The following ZNF469 variants were observed in gnomAD, a reference collection of about 807,000 sequenced individuals.
ZNF469 encodes zinc finger protein 469.
A neutral mutation model predicts 1.0 loss-of-function variants in ZNF469; 1 was observed. That is an observed-to-expected ratio of 1.00 (90% CI 0.35 to 4.73). ZNF469 has a LOEUF of 4.73. ZNF469 is among the 30% of genes most tolerant of loss of function. The pLI, the probability that ZNF469 is intolerant of heterozygous loss-of-function variation, is 0.16. For missense variants in ZNF469, 6,100 were observed against 5,356.3 expected (o/e 1.14, Z -4.33); for synonymous variants, 2,703 against 2,363.4 (o/e 1.14, Z -4.17).
the ZNF469 span, among the ~76,000 whole-genome samples, chr16:88,328,594 G>A: frequency 1.3e-5 from 2 of 152,198 alleles, no homozygotes; most frequent in African/African-American, 4.8e-5. Context: ...CCAGGGCCCG[G>A]GTTCTTCTCC....
chr16:88,281,130 T>A, the ZNF469 span, among the ~76,000 whole-genome samples: 8 of 146,002 alleles, frequency 5.5e-5, no homozygotes, highest in African/African-American at 2.0e-4. Context: ...GTGCGTGGGT[T>A]AATGCTGTGC....
chr16:88,283,538 ACT>A, the ZNF469 span, among the ~76,000 whole-genome samples: 1 of 152,234 alleles, frequency 6.6e-6, no homozygotes, highest in Non-Finnish European at 1.5e-5. Context: ...CATTCTTCCA[ACT>A]TTTCTGTGTG....
chr16:88,438,008 C>T lies in ZNF469; in HGVS notation c.10538C>T (p.Ser3513Leu), dbSNP rs772753807. 6.6e-5 allele frequency: 103 copies of T among 1,549,460 alleles called. No homozygotes were observed. Among genetic ancestry groups the T allele is most frequent in the South Asian group, 3.0e-4 (25 of 84,066 alleles). Reference protein sequence around the residue: ...GSLPALLHLCSEVAPSTTKGW... With the variant: ...GSLPALLHLCLEVAPSTTKGW... ...CTCCCGGCCCTGCTCCACCTGTGTT[C>T]GGAGGTGGCTCCCAGCACCACCAAG... The change falls in exon 3 of 3, where the codon TCG becomes TTG. Residue 3513 changes from serine to leucine, a missense_variant. Coordinates refer to ENST00000565624, the MANE Select transcript of ZNF469 (RefSeq NM_001367624.2).
the ZNF469 span, among the ~76,000 whole-genome samples, chr16:88,353,964 G>C: frequency 2.0e-5 from 3 of 152,216 alleles, no homozygotes; most frequent in African/African-American, 4.8e-5. Flanking sequence ...CATCCGCCGT[G>C]AGGGGTGAAT....
At chr16:88,229,424 C>T in the ZNF469 span, among the ~76,000 whole-genome samples, 7 of 152,206 alleles carry the variant, frequency 4.6e-5, no homozygotes, top group African/African-American at 1.4e-4. Flanking sequence ...AGAGGCTGCA[C>T]GAGGTTGGAG....
the ZNF469 span, among the ~76,000 whole-genome samples, chr16:88,216,042 G>C: frequency 6.6e-6 from 1 of 151,970 alleles, no homozygotes; most frequent in African/African-American, 2.4e-5. Context: ...TTTGCCCTAA[G>C]AACTCTCTTC....
Position 88,437,240 on chromosome 16 carries a change from G to A in ZNF469, c.9770G>A (p.Gly3257Glu). Residue 3257 changes from glycine (G) to glutamate (E), a missense_variant, in exon 3 of 3, where the codon GGG (glycine) becomes GAG (glutamate). Transcript: ENST00000565624. Reference protein sequence around the residue: ...KAAGSPGDPWGQEGEAKKDSP... With the variant: ...KAAGSPGDPWEQEGEAKKDSP... ...GCCGGGAGCCCGGGAGACCCGTGGG[G>A]GCAAGAGGGAGAAGCCAAGAAAGAC... is the stretch of plus-strand genomic sequence containing the variant. The A allele has an allele frequency of 1.9e-6, 3 of 1,549,136 alleles. No individual in the cohort carries two copies. Among genetic ancestry groups the A allele is most frequent in the Non-Finnish European group, 2.6e-6 (3 of 1,146,344 alleles).
chr16:88,102,281 C>T, the ZNF469 span, among the ~76,000 whole-genome samples: 4 of 152,168 alleles, frequency 2.6e-5, no homozygotes, highest in Non-Finnish European at 4.4e-5. Flanking sequence ...CTTTGGGAGG[C>T]CAAGGCGGGT....
chr16:88,296,200 C>T, the ZNF469 span, among the ~76,000 whole-genome samples: 19 of 152,304 alleles, frequency 1.2e-4, no homozygotes, highest in African/African-American at 4.6e-4. Flanking sequence ...GGTGGGGCTT[C>T]TGTGTCCAGA....
chr16:88,120,736 C>T, the ZNF469 span, among the ~76,000 whole-genome samples: 2 of 152,206 alleles, frequency 1.3e-5, no homozygotes, highest in South Asian at 4.1e-4. Context: ...AAGGCCTGAG[C>T]CCCGGGAACA....
chr16:88,213,160 A>G, the ZNF469 span, among the ~76,000 whole-genome samples: 4 of 151,652 alleles, frequency 2.6e-5, no homozygotes, highest in African/African-American at 4.8e-5. Context: ...GTGCAGTGGC[A>G]CCATCTTGGC....
the ZNF469 span, among the ~76,000 whole-genome samples, chr16:88,248,305 G>C: frequency 0.11 from 17,295 of 152,258 alleles, 1,325 homozygotes; most frequent in East Asian, 0.3. Flanking sequence ...ATAGGACCAA[G>C]CGTGAAAAAG....
intron 1 of ZNF469, among the ~76,000 whole-genome samples, chr16:88,408,171 G>A (rs1905065361): frequency 6.6e-6 from 1 of 151,912 alleles, no homozygotes; most frequent in Admixed American, 6.5e-5. Flanking sequence ...GTGTTTTTTT[G>A]CAAAGGAGTC....
chr16:88,266,555 G>A, the ZNF469 span, among the ~76,000 whole-genome samples: 4 of 152,238 alleles, frequency 2.6e-5, no homozygotes, highest in East Asian at 7.7e-4. Flanking sequence ...GCATCTTGGG[G>A]CATACGTGCC....
At chr16:88,372,979 C>T in the ZNF469 span, among the ~76,000 whole-genome samples, 6 of 152,334 alleles carry the variant, frequency 3.9e-5, no homozygotes, top group South Asian at 8.3e-4. Flanking sequence ...TCATCATGAT[C>T]TTCACCATCA....
At chr16:88,400,227 G>A (rs776623132) in intron 1 of ZNF469, among the ~76,000 whole-genome samples, 11 of 152,214 alleles carry the variant, frequency 7.2e-5, no homozygotes, top group African/African-American at 1.9e-4. Context: ...TTCGAGCTCC[G>A]GTTCTGCCCT....
chr16:88,371,837 T>C, the ZNF469 span, among the ~76,000 whole-genome samples: 1 of 149,912 alleles, frequency 6.7e-6, no homozygotes, highest in Non-Finnish European at 1.5e-5. Context: ...ACCACCATTA[T>C]CACCACCATC....
the ZNF469 span, among the ~76,000 whole-genome samples, chr16:88,271,133 T>A: frequency 6.6e-6 from 1 of 151,878 alleles, no homozygotes; most frequent in African/African-American, 2.4e-5. Flanking sequence ...CTTATAGGGT[T>A]GTTGAAAGGA....
chr16:88,208,785 A>C, the ZNF469 span, among the ~76,000 whole-genome samples: 1 of 33,138 alleles, frequency 3.0e-5, no homozygotes, highest in African/African-American at 5.9e-5. Context: ...GCGCGCACAC[A>C]CACACACACA....
Sources: gnomAD v4.1 joint callset for allele counts (sites outside exome capture counted in the v4.1 genomes callset) on GRCh38, gnomAD v4.1.1 for gene constraint, MANE v1.5 for transcripts, NCBI Gene and HGNC (gene_info 2026-07-23, HGNC 2026-07-21) for gene names.